MBD5: variants seen among roughly 807,000 people sequenced by gnomAD.
MBD5 encodes the protein methyl-CpG-binding domain protein 5.
MBD5 carries 13 observed loss-of-function variants against 117.3 expected under a neutral mutation model. The ratio of observed to expected loss-of-function variants is 0.11; its 90% CI spans 0.07 to 0.18. The LOEUF (loss-of-function observed/expected upper bound fraction) is 0.18. Ranked by LOEUF, MBD5 falls within the 10% of genes least tolerant of loss-of-function variation. MBD5 has a pLI of 1.00. For missense variants in MBD5, 1,879 were observed against 2,093.8 expected (o/e 0.90, Z 2.00); for synonymous variants, 727 against 766.4 (o/e 0.95, Z 0.85).
chr2:148,231,926 T>C (rs1363250307), intron 2 of MBD5, among the ~76,000 whole-genome samples: 2 of 152,088 alleles, frequency 1.3e-5, no homozygotes, highest in African/African-American at 4.8e-5. Flanking sequence ...TGAAGGCCAA[T>C]GGTGAAGAGG....
intron 2 of MBD5, among the ~76,000 whole-genome samples, chr2:148,189,444 G>A (rs1239015998): frequency 1.4e-5 from 2 of 146,594 alleles, no homozygotes; most frequent in African/African-American, 5.1e-5. Flanking sequence ...GTGGGTCCCT[G>A]ACCCGTGACC....
chr2:148,099,852 C>G lies in MBD5; in HGVS notation c.-925+78168C>G, dbSNP rs548099083. Among the ~76,000 whole-genome samples the G allele has an allele frequency of 3.2e-4, 48 of 152,228 alleles. No homozygotes were observed. In the South Asian group the frequency reaches 4.4e-3, roughly 14 times the overall value. ...CTTTTTCAGTCCATGTATCTTTCAG[C>G]AGGGTATAGGTGGAAATGATCATTC... On this transcript the variant is annotated intron_variant, in intron 1 of 13. Transcript: ENST00000642680.
At chr2:148,174,887 A>C (rs1359682643) in intron 1 of MBD5, among the ~76,000 whole-genome samples, 3 of 152,190 alleles carry the variant, frequency 2.0e-5, no homozygotes, top group Non-Finnish European at 4.4e-5. Context: ...AACTGTGTGA[A>C]GGTTCCTCAA....
intron 3 of MBD5, among the ~76,000 whole-genome samples, chr2:148,234,868 T>C (rs888056468): frequency 1.3e-5 from 2 of 152,190 alleles, no homozygotes; most frequent in East Asian, 3.8e-4. Flanking sequence ...TTTCTTAGTT[T>C]GGTATAATCC....
At chr2:148,050,407 T>C (rs1384895666) in intron 1 of MBD5, among the ~76,000 whole-genome samples, 2 of 152,206 alleles carry the variant, frequency 1.3e-5, no homozygotes. Flanking sequence ...TTTTCGTGTT[T>C]GCCTTTTCAT....
At chr2:148,123,399 C>T (rs1439446509) in intron 1 of MBD5, among the ~76,000 whole-genome samples, 1 of 152,028 alleles carries the variant, frequency 6.6e-6, no homozygotes, top group Non-Finnish European at 1.5e-5. Flanking sequence ...AACAATATAC[C>T]ACAATGGTGG....
chr2:148,316,245 CA>C (rs1352760422), intron 3 of MBD5, among the ~76,000 whole-genome samples: 1 of 152,158 alleles, frequency 6.6e-6, no homozygotes. Context: ...CAAATCACAA[CA>C]CCTGCTTTTC....
At chr2:148,138,196 T>C (rs1697219303) in intron 1 of MBD5, among the ~76,000 whole-genome samples, 1 of 152,224 alleles carries the variant, frequency 6.6e-6, no homozygotes, top group South Asian at 2.1e-4. Flanking sequence ...AAAGGCCTCA[T>C]ACACAGTGCC....
At chr2:148,249,466 A>G (rs1327999846) in intron 3 of MBD5, among the ~76,000 whole-genome samples, 7 of 152,138 alleles carry the variant, frequency 4.6e-5, no homozygotes, top group Middle Eastern at 3.4e-3. Flanking sequence ...TGAAAAAGTT[A>G]CTCCTGAGCT....
intron 4 of MBD5, chr2:148,346,119 G>A (rs1010113317): frequency 1.3e-5 from 2 of 151,702 alleles, no homozygotes; most frequent in African/African-American, 4.8e-5. Context: ...GGGGTATATG[G>A]GAGTCTCTGT....
In MBD5 at chr2:148,466,521, G is replaced by T. The variant is rs138450215; in HGVS notation, c.398-1820G>T. Among the ~76,000 whole-genome samples, 15 of 152,198 alleles carry T rather than the reference G, an allele frequency of 9.9e-5. No individual in the cohort carries two copies. The East Asian group carries it at 2.7e-3, about 27-fold the overall frequency. ...GATACCCAAGAAAAAATGCAAGTAG[G>T]TTGTTTTGTCACTAAAGAGAACATG... On this transcript the variant is annotated intron_variant, in intron 7 of 13. Coordinates refer to ENST00000642680, the MANE Select transcript of MBD5 (RefSeq NM_001378120.1).
At chr2:148,187,608 A>G (rs1388834017) in intron 2 of MBD5, among the ~76,000 whole-genome samples, 1 of 152,208 alleles carries the variant, frequency 6.6e-6, no homozygotes, top group Non-Finnish European at 1.5e-5. Flanking sequence ...CTGACTTCAC[A>G]TCAGAAAAAA....
intron 1 of MBD5, among the ~76,000 whole-genome samples, chr2:148,051,701 A>G (rs182534924): frequency 1.2e-4 from 18 of 151,694 alleles, no homozygotes; most frequent in Non-Finnish European, 1.5e-4. Context: ...ATTTGTTGAG[A>G]TGATCATATG....
chr2:148,450,581 C>T (rs1357192633), intron 4 of MBD5, among the ~76,000 whole-genome samples: 2 of 152,070 alleles, frequency 1.3e-5, no homozygotes, highest in South Asian at 2.1e-4. Context: ...CTCTCATCCT[C>T]GATGGTGCTA....
At chr2:148,050,127 G>A (rs185507534) in intron 1 of MBD5, among the ~76,000 whole-genome samples, 1 of 152,266 alleles carries the variant, frequency 6.6e-6, no homozygotes, top group African/African-American at 2.4e-5. Flanking sequence ...CTACCAAACT[G>A]TTTTTCAAAG....
chr2:148,222,122 G>A (rs1489352183), intron 2 of MBD5, among the ~76,000 whole-genome samples: 3 of 151,960 alleles, frequency 2.0e-5, no homozygotes, highest in Non-Finnish European at 1.5e-5. Flanking sequence ...GTCTACATGT[G>A]TGTTTTTATG....
chr2:148,105,798 A>C (rs954626140), intron 1 of MBD5, among the ~76,000 whole-genome samples: 1 of 151,972 alleles, frequency 6.6e-6, no homozygotes, highest in Non-Finnish European at 1.5e-5. Flanking sequence ...TCTTTTCCAT[A>C]TGAAGCATTT....
intron 2 of MBD5, among the ~76,000 whole-genome samples, chr2:148,180,494 T>C (rs1698505281): frequency 6.6e-6 from 1 of 151,710 alleles, no homozygotes; most frequent in Admixed American, 6.6e-5. Flanking sequence ...GCATTAACCA[T>C]GCCGGGCACT....
In MBD5 at chr2:148,486,064, AC is replaced by A; in HGVS notation, c.3753+115del. 4 of 920,132 alleles carry A rather than the reference AC, an allele frequency of 4.3e-6. No individual in the cohort carries two copies. In the South Asian group the frequency reaches 5.4e-5, roughly 12 times the overall value. The allele number at this position is 920,132 out of a possible 1,614,324, so 57.0% of individuals were successfully genotyped here. A position where few individuals can be genotyped will look rare whatever the true frequency, so the allele number is the denominator to read the frequency against. ...GTTACGTGCCCTTTCACCTCTATTT[AC>A]TGTTATTTCTCAGTCATGAGTATTG... On this transcript the variant is annotated intron_variant, in intron 10 of 13. Coordinates refer to ENST00000642680, the MANE Select transcript of MBD5 (RefSeq NM_001378120.1).
Sources: gnomAD v4.1 joint callset for allele counts (sites outside exome capture counted in the v4.1 genomes callset) on GRCh38, gnomAD v4.1.1 for gene constraint, MANE v1.5 for transcripts, NCBI Gene and HGNC (gene_info 2026-07-23, HGNC 2026-07-21) for gene names.